RAB27A: variants seen among roughly 807,000 people sequenced by gnomAD.
RAB27A encodes the protein ras-related protein Rab-27A.
A neutral mutation model predicts 20.8 loss-of-function variants in RAB27A; 17 were observed. That is an observed-to-expected ratio of 0.82 (90% CI 0.56 to 1.23). The LOEUF is 1.23. Among genes scored for constraint, RAB27A ranks in the 50% most tolerant of loss-of-function variants. The probability of loss-of-function intolerance (pLI) is 0.00; values close to 1 mark genes in which losing one functional copy is unlikely to be tolerated. For missense variants in RAB27A, 277 were observed against 266.7 expected, an observed-to-expected ratio of 1.04 and a Z score of -0.27; for synonymous variants, 85 against 92.8, an observed-to-expected ratio of 0.92 and a Z score of 0.48.
intron 1 of RAB27A, chr15:55,317,593 G>C: frequency 2.5e-6 from 1 of 394,348 alleles, no homozygotes; most frequent in Non-Finnish European, 4.5e-6. Flanking sequence ...GATTACAGGC[G>C]TGAGCCACTG....
At position 55,274,794 on chromosome 15, in the gene RAB27A, T is replaced by TTATATATATATATATATATA. The variant is rs371945954; in HGVS notation, c.-142-4530_-142-4511dup. Among the ~76,000 whole-genome samples, 123 of 52,106 alleles carry TTATATATATATATATATATA rather than the reference T, an allele frequency of 2.4e-3. 2 individuals are homozygous for TTATATATATATATATATATA. Among genetic ancestry groups the TTATATATATATATATATATA allele is most frequent in the Admixed American group, 3.2e-3 (13 of 4,120 alleles). 34.2% of individuals were successfully genotyped at this position (52,106 alleles called of 152,430 possible). ...ATCCGTCCTTAAAAAAATAAATAAA[T>TTATATATATATATATATATA]TATATATATATATATATATATATAT... On this transcript the variant is annotated intron_variant, in intron 1 of 6. Coordinates refer to ENST00000336787, the MANE Select transcript of RAB27A (RefSeq NM_183235.3).
In RAB27A at chr15:55,228,316, C is replaced by T. The variant is rs9920531; in HGVS notation, c.343+293G>A. Reference sequence around the variant, plus strand: ...CTCTAGGCTTCTACTTCCTCATCTACGAAATGGGAATAAGAGTCTCTTCTG... The same window carrying T: ...CTCTAGGCTTCTACTTCCTCATCTATGAAATGGGAATAAGAGTCTCTTCTG... On this transcript the variant is annotated intron_variant, in intron 5 of 6. Coordinates refer to ENST00000336787, the MANE Select transcript of RAB27A (RefSeq NM_183235.3). Among the ~76,000 whole-genome samples, 28,823 of 152,042 alleles carry T rather than the reference C, an allele frequency of 0.19. 4,479 individuals carry two copies. Among genetic ancestry groups the T allele is most frequent in the African/African-American group, 0.42 (17,261 of 41,402 alleles).
In RAB27A at chr15:55,228,651, G is replaced by T; in HGVS notation, c.301C>A (p.Leu101Met). 1 of 1,613,546 alleles carries T rather than the reference G, an allele frequency of 6.2e-7. No homozygotes were observed. The highest frequency in any genetic ancestry group is 1.3e-5 in the African/African-American group (1 of 75,004). The change falls in exon 5 of 7, where the codon CTG becomes ATG. Residue 101 changes from leucine to methionine, a missense_variant. By Grantham distance (15) the Leu-to-Met change is conservative (BLOSUM62 2). Coordinates refer to ENST00000336787, the MANE Select transcript of RAB27A (RefSeq NM_183235.3). ...DAMGFLLLFDLTNEQSFLNVR... is the reference protein window; with the variant it reads ...DAMGFLLLFDMTNEQSFLNVR... The stretch of plus-strand genomic sequence containing the variant: ...TTGAGGAAACTTTGCTCATTTGTCA[G>T]ATCAAAAAGTAGAAGAAAACCCATA...
At chr15:55,275,818 AC>A (rs1452083729) in intron 1 of RAB27A, among the ~76,000 whole-genome samples, 1 of 151,860 alleles carries the variant, frequency 6.6e-6, no homozygotes, top group African/African-American at 2.4e-5. Flanking sequence ...AAAATGGTCA[AC>A]AAGTATATGA....
At chr15:55,306,976 T>G (rs917196116) in intron 2 of RAB27A, among the ~76,000 whole-genome samples, 4 of 152,170 alleles carry the variant, frequency 2.6e-5, no homozygotes, top group African/African-American at 7.2e-5. Flanking sequence ...TAGCGTTGTC[T>G]CCTGGATTTT....
In RAB27A at chr15:55,247,173, C is replaced by T. The variant is rs183613190; in HGVS notation, c.-22-12217G>A. Among the ~76,000 whole-genome samples, 341 of 152,112 alleles carry T rather than the reference C, an allele frequency of 2.2e-3. 3 individuals are homozygous for T. Among genetic ancestry groups the T allele is most frequent in the African/African-American group, 7.9e-3 (328 of 41,482 alleles). On this transcript the variant is annotated intron_variant, in intron 2 of 6. Coordinates refer to ENST00000336787, the MANE Select transcript of RAB27A (RefSeq NM_183235.3). Reference sequence around the variant, plus strand: ...AAAAAGGAGGAACAACTTAAGCTACCTGGAAGGTAGAACATCTGCAAGTCC... The same window carrying T: ...AAAAAGGAGGAACAACTTAAGCTACTTGGAAGGTAGAACATCTGCAAGTCC...
chr15:55,280,542 G>A (rs1897989710), intron 1 of RAB27A, among the ~76,000 whole-genome samples: 1 of 144,004 alleles, frequency 6.9e-6, no homozygotes, highest in Non-Finnish European at 1.5e-5. Flanking sequence ...AAGTTCTAGG[G>A]TACATGTGCA....
chr15:55,274,649 G>C (rs959972078), intron 1 of RAB27A, among the ~76,000 whole-genome samples: 1 of 151,096 alleles, frequency 6.6e-6, no homozygotes, highest in Non-Finnish European at 1.5e-5. Context: ...GTGGTGGCAG[G>C]TGCCTGTAAT....
At chr15:55,290,519 C>A (rs550794524), upstream of RAB27A, 45 of 152,374 alleles carry the variant, frequency 3.0e-4, no homozygotes, top group African/African-American at 1.0e-3. Context: ...TATAAAACCA[C>A]TGTAAATTTC....
upstream of RAB27A, among the ~76,000 whole-genome samples, chr15:55,291,029 C>A (rs573654958): frequency 6.6e-6 from 1 of 152,326 alleles, no homozygotes; most frequent in South Asian, 2.1e-4. Flanking sequence ...GTCCAATTTA[C>A]AAAATCACAT....
At chr15:55,265,218 G>T (rs566429174) in intron 2 of RAB27A, among the ~76,000 whole-genome samples, 2 of 152,224 alleles carry the variant, frequency 1.3e-5, no homozygotes, top group South Asian at 4.1e-4. Flanking sequence ...TCCAGCCTGG[G>T]CGACAAGAGT....
intron 2 of RAB27A, among the ~76,000 whole-genome samples, chr15:55,237,829 A>C (rs958407581): frequency 2.0e-5 from 3 of 152,198 alleles, no homozygotes; most frequent in African/African-American, 4.8e-5. Context: ...AGTTGGTATA[A>C]CTATGTTTTT....
At chr15:55,211,408 T>C (rs890010039) in intron 6 of RAB27A, among the ~76,000 whole-genome samples, 1 of 152,210 alleles carries the variant, frequency 6.6e-6, no homozygotes, top group African/African-American at 2.4e-5. Context: ...TTTCCATTTT[T>C]GGTGTCCTCT....
At chr15:55,233,357 A>T (rs539332339) in intron 3 of RAB27A, among the ~76,000 whole-genome samples, 13 of 152,286 alleles carry the variant, frequency 8.5e-5, no homozygotes, top group Non-Finnish European at 1.8e-4. Flanking sequence ...GGGAATTTTT[A>T]AAAAAGAACT....
At chr15:55,307,019 C>T (rs755423019) in intron 2 of RAB27A, among the ~76,000 whole-genome samples, 2 of 151,872 alleles carry the variant, frequency 1.3e-5, no homozygotes, top group Non-Finnish European at 2.9e-5. Context: ...GGGTTTGATT[C>T]GAGTGTGATG....
chr15:55,213,661 G>A (rs1186086781), intron 6 of RAB27A, among the ~76,000 whole-genome samples: 3 of 152,102 alleles, frequency 2.0e-5, no homozygotes, highest in African/African-American at 4.8e-5. Context: ...TCTCATAGGA[G>A]CACAAGCCAT....
At position 55,230,434 on chromosome 15, in the gene RAB27A, T is replaced by C; in HGVS notation, c.206A>G (p.His69Arg). The change falls in exon 4 of 7, where the codon CAC (histidine) becomes CGC (arginine). Residue 69 changes from histidine to arginine, a missense_variant. Transcript: ENST00000336787. Reference sequence around the variant, plus strand: ...CCCTGCTGTGTCCCATAACTGCAGGTGGATTCTCTGGCCTCTGCCAGTGGC... The same window carrying C: ...CCCTGCTGTGTCCCATAACTGCAGGCGGATTCTCTGGCCTCTGCCAGTGGC... The part of the protein sequence containing the change: ...DGATGRGQRI[H>R]LQLWDTAGQE... The C allele has an allele frequency of 6.2e-7, 1 of 1,613,940 alleles. No homozygotes were observed. Among genetic ancestry groups the C allele is most frequent in the Non-Finnish European group, 8.5e-7 (1 of 1,179,840 alleles).
At chr15:55,212,126 C>G (rs1251285455) in intron 6 of RAB27A, among the ~76,000 whole-genome samples, 1 of 152,074 alleles carries the variant, frequency 6.6e-6, no homozygotes. Context: ...CTACCCAATA[C>G]TATGTGTCTT....
At chr15:55,243,158 G>A (rs1237328306) in intron 2 of RAB27A, among the ~76,000 whole-genome samples, 1 of 152,076 alleles carries the variant, frequency 6.6e-6, no homozygotes, top group Non-Finnish European at 1.5e-5. Context: ...GTCATAAATT[G>A]GGAGCTTGTC....
Sources: gnomAD v4.1 joint callset for allele counts (sites outside exome capture counted in the v4.1 genomes callset) on GRCh38, gnomAD v4.1.1 for gene constraint, MANE v1.5 for transcripts, NCBI Gene and HGNC (gene_info 2026-07-23, HGNC 2026-07-21) for gene names.